The following CACNA1D variants were observed in gnomAD, a reference collection of about 807,000 sequenced individuals.
CACNA1D encodes the protein calcium voltage-gated channel subunit alpha1 D, also known as voltage-dependent L-type calcium channel subunit alpha-1D.
In CACNA1D, 55 loss-of-function variants were observed where a neutral mutation model predicts 257.1. The observed-to-expected ratio is 0.21, with a 90% CI of 0.17 to 0.27. CACNA1D has a LOEUF of 0.27. Among genes scored for constraint, CACNA1D ranks in the 10% least tolerant of loss-of-function variants. CACNA1D has a pLI of 1.00. For missense variants in CACNA1D, 1,876 were observed against 2,784.0 expected, an observed-to-expected ratio of 0.67 and a Z score of 7.34; for synonymous variants, 980 against 1,014.9, an observed-to-expected ratio of 0.97 and a Z score of 0.65.
At chr3:53,641,744 A>G (rs2093953509) in intron 3 of CACNA1D, among the ~76,000 whole-genome samples, 1 of 152,220 alleles carries the variant, frequency 6.6e-6, no homozygotes, top group African/African-American at 2.4e-5. Flanking sequence ...GAAGATGGCA[A>G]CAGAGAACGG....
chr3:53,770,006 G>T lies in CACNA1D; in HGVS notation c.3904G>T (p.Ala1302Ser). 1 of 1,613,202 alleles carries T rather than the reference G, an allele frequency of 6.2e-7. No individual in the cohort carries two copies. Among genetic ancestry groups the T allele is most frequent in the African/African-American group, 1.3e-5 (1 of 75,032 alleles). Reference protein sequence around the residue: ...TESENVPVPTATPGNSEESNR... With the variant: ...TESENVPVPTSTPGNSEESNR... Reference sequence around the variant, plus strand: ...AAGTGAAAATGTCCCTGTCCCAACTGCTACACCTGGGGTAAGATCAGTGAC... The same window carrying T: ...AAGTGAAAATGTCCCTGTCCCAACTTCTACACCTGGGGTAAGATCAGTGAC... Residue 1302 changes from alanine (A) to serine (S), a missense_variant, in exon 31 of 48, where the codon GCT becomes TCT. By Grantham distance (99) the Ala-to-Ser change is moderately conservative. Transcript: ENST00000350061.
At chr3:53,590,174 C>T (rs911888373) in intron 3 of CACNA1D, among the ~76,000 whole-genome samples, 1 of 152,380 alleles carries the variant, frequency 6.6e-6, no homozygotes, top group Non-Finnish European at 1.5e-5. Context: ...CCCCTGCATC[C>T]ACTACTGTTC....
At chr3:53,717,808 C>T (rs2108679298) in intron 9 of CACNA1D, among the ~76,000 whole-genome samples, 1 of 152,238 alleles carries the variant, frequency 6.6e-6, no homozygotes, top group East Asian at 1.9e-4. Flanking sequence ...TGCATGGTAC[C>T]TTCATGCACT....
intron 3 of CACNA1D, among the ~76,000 whole-genome samples, chr3:53,526,708 C>T (rs748616425): frequency 3.3e-4 from 50 of 152,258 alleles, no homozygotes; most frequent in South Asian, 4.2e-4. Flanking sequence ...CAACTTTTCT[C>T]CCCCCGGTTG....
At chr3:53,770,610 G>A (rs1339413125) in intron 32 of CACNA1D, 58 bp downstream of exon 32, 3 of 1,563,440 alleles carry the variant, frequency 1.9e-6, no homozygotes, top group Non-Finnish European at 2.6e-6. Flanking sequence ...GTAAGTCAGT[G>A]ATTGTCCCCA....
intron 3 of CACNA1D, among the ~76,000 whole-genome samples, chr3:53,620,846 A>G (rs2108034305): frequency 6.6e-6 from 1 of 152,330 alleles, no homozygotes; most frequent in South Asian, 2.1e-4. Context: ...GCCTCCAGGA[A>G]CTTTTAGCAT....
chr3:53,552,746 G>A (rs1210531898), intron 3 of CACNA1D, among the ~76,000 whole-genome samples: 1 of 151,950 alleles, frequency 6.6e-6, no homozygotes, highest in Non-Finnish European at 1.5e-5. Flanking sequence ...ATTTTGCTTG[G>A]CATTGTAGTA....
intron 3 of CACNA1D, among the ~76,000 whole-genome samples, chr3:53,615,844 T>TGGGTGACAAGGAAATGTCA (rs2093630921): frequency 6.6e-6 from 1 of 152,238 alleles, no homozygotes; most frequent in African/African-American, 2.4e-5. Context: ...CAGCCACTTC[T>TGGGTGACAAGGAAATGTCA]GGGTGACAAG....
intron 3 of CACNA1D, among the ~76,000 whole-genome samples, chr3:53,621,962 T>C (rs2093701312): frequency 6.6e-6 from 1 of 152,094 alleles, no homozygotes; most frequent in Non-Finnish European, 1.5e-5. Context: ...ATAAAACTAA[T>C]GTTGGTGAGG....
intron 3 of CACNA1D, among the ~76,000 whole-genome samples, chr3:53,627,266 CT>C (rs1403202322): frequency 4.6e-5 from 7 of 152,168 alleles, no homozygotes; most frequent in African/African-American, 1.7e-4. Context: ...GCCAGTTCCC[CT>C]GGGTGAGATC....
chr3:53,743,822 C>T lies in CACNA1D; in HGVS notation c.2918+705C>T, dbSNP rs1576530176. On this transcript the variant is annotated intron_variant, in intron 22 of 47. Transcript: ENST00000350061. ...TCTCCCCTGTATGAGCACACATGCA[C>T]ACACCTGCCCTCTAAGCTAAAGAGA... 3.9e-5 allele frequency among the ~76,000 whole-genome samples: 6 copies of T among 152,222 alleles called. No homozygotes were observed. The South Asian group carries it at 1.2e-3, about 32-fold the overall frequency.
chr3:53,537,887 A>G (rs33999362), intron 3 of CACNA1D, among the ~76,000 whole-genome samples: 53,851 of 152,006 alleles, frequency 0.35, 9,836 homozygotes, highest in Non-Finnish European at 0.4. Flanking sequence ...ACAGGCTCAT[A>G]ACATTCAAGT....
At chr3:53,575,697 G>A (rs2093025334) in intron 3 of CACNA1D, among the ~76,000 whole-genome samples, 1 of 149,882 alleles carries the variant, frequency 6.7e-6, no homozygotes, top group African/African-American at 2.4e-5. Context: ...TGAGAGTAAA[G>A]ACATACACCA....
chr3:53,737,545 G>C (rs764152995), intron 20 of CACNA1D, among the ~76,000 whole-genome samples: 1 of 152,092 alleles, frequency 6.6e-6, no homozygotes, highest in African/African-American at 2.4e-5. Context: ...TCAAGGGACC[G>C]GGAGCAGTGG....
At chr3:53,748,731 C>T (rs897918444) in intron 26 of CACNA1D, among the ~76,000 whole-genome samples, 21 of 152,288 alleles carry the variant, frequency 1.4e-4, no homozygotes, top group African/African-American at 4.6e-4. Context: ...TCTCGGGAAG[C>T]CTATGCATGG....
chr3:53,586,093 G>A (rs940005494), intron 3 of CACNA1D, among the ~76,000 whole-genome samples: 2 of 152,182 alleles, frequency 1.3e-5, no homozygotes, highest in Admixed American at 1.3e-4. Flanking sequence ...GGGCCAGAAA[G>A]CTCACTCCTC....
In CACNA1D at chr3:53,768,961, G is replaced by A. The variant is rs1045282747; in HGVS notation, c.3871-1012G>A. Among the ~76,000 whole-genome samples the A allele has an allele frequency of 3.3e-5, 5 of 152,188 alleles. No homozygotes were observed. The South Asian group carries it at 6.2e-4, about 19-fold the overall frequency. ...CGGAAGAGCCTCATTTCTCTCTGTCGGCTCCTGGTGACACCACTGAGGGGA... is the reference window on the plus strand; with the variant it reads ...CGGAAGAGCCTCATTTCTCTCTGTCAGCTCCTGGTGACACCACTGAGGGGA... On this transcript the variant is annotated intron_variant, in intron 30 of 47. Coordinates refer to ENST00000350061, the MANE Select transcript of CACNA1D (RefSeq NM_001128840.3).
At chr3:53,598,006 A>G (rs2093392304) in intron 3 of CACNA1D, among the ~76,000 whole-genome samples, 1 of 152,122 alleles carries the variant, frequency 6.6e-6, no homozygotes, top group Admixed American at 6.6e-5. Flanking sequence ...GATGTTTATC[A>G]TTTCCTGTCA....
chr3:53,665,200 A>G (rs2108360158), intron 5 of CACNA1D, among the ~76,000 whole-genome samples: 1 of 152,310 alleles, frequency 6.6e-6, no homozygotes, highest in Middle Eastern at 3.4e-3. Flanking sequence ...CTATTGGGAT[A>G]TTTATATAGC....
Sources: gnomAD v4.1 joint callset for allele counts (sites outside exome capture counted in the v4.1 genomes callset) on GRCh38, gnomAD v4.1.1 for gene constraint, MANE v1.5 for transcripts, NCBI Gene and HGNC (gene_info 2026-07-23, HGNC 2026-07-21) for gene names.